BRD10: variants seen among roughly 807,000 people sequenced by gnomAD.
BRD10 encodes the protein uncharacterized bromodomain-containing protein 10.
At chr9:5,900,689 T>C in the BRD10 span, among the ~76,000 whole-genome samples, 32 of 152,336 alleles carry the variant, frequency 2.1e-4, 1 homozygote, top group South Asian at 6.6e-3. Flanking sequence ...TTAGATCTCT[T>C]AAAATTTCTC....
At chr9:5,908,722 A>G in the BRD10 span, 2 of 1,606,916 alleles carry the variant, frequency 1.2e-6, no homozygotes, top group Middle Eastern at 1.7e-4. Flanking sequence ...CCAGCGAGAC[A>G]CCTGAGACAT....
chr9:5,912,744 G>A, the BRD10 span, among the ~76,000 whole-genome samples: 15 of 152,252 alleles, frequency 9.9e-5, no homozygotes, highest in African/African-American at 3.6e-4. Flanking sequence ...ACTGCAGCGT[G>A]CCCTTCCTTT....
At chr9:5,880,597 C>G in the BRD10 span, among the ~76,000 whole-genome samples, 1 of 152,138 alleles carries the variant, frequency 6.6e-6, no homozygotes, top group Non-Finnish European at 1.5e-5. Flanking sequence ...TTAGTTTTCC[C>G]CACACAGACA....
chr9:5,927,644 C>T, the BRD10 span, among the ~76,000 whole-genome samples: 4 of 152,208 alleles, frequency 2.6e-5, no homozygotes, highest in South Asian at 4.2e-4. Context: ...ATAATAAATT[C>T]TTATTTCTCA....
the BRD10 span, chr9:6,007,585 C>T: frequency 5.0e-6 from 8 of 1,608,672 alleles, no homozygotes; most frequent in Non-Finnish European, 6.8e-6. Context: ...CTTGCAGCAA[C>T]CGCCTCCGAT....
At chr9:5,923,078 C>G in the BRD10 span, 5 of 1,613,976 alleles carry the variant, frequency 3.1e-6, no homozygotes, top group Non-Finnish European at 4.2e-6. Context: ...TTCACTGAAA[C>G]AGTCAATCTG....
At chr9:5,979,991 G>A in the BRD10 span, among the ~76,000 whole-genome samples, 1 of 146,852 alleles carries the variant, frequency 6.8e-6, no homozygotes, top group Non-Finnish European at 1.5e-5. Context: ...CTACAGCCTG[G>A]GCAACAAAGC....
At chr9:5,943,824 C>A in the BRD10 span, among the ~76,000 whole-genome samples, 2 of 152,080 alleles carry the variant, frequency 1.3e-5, no homozygotes, top group Non-Finnish European at 2.9e-5. Context: ...CATTTATTCT[C>A]TTAAATTACC....
At chr9:5,940,704 A>C in the BRD10 span, among the ~76,000 whole-genome samples, 1 of 152,126 alleles carries the variant, frequency 6.6e-6, no homozygotes, top group South Asian at 2.1e-4. Flanking sequence ...GGTAGGGAGG[A>C]CAAATGGGGA....
At chr9:5,953,993 C>G in the BRD10 span, 1 of 1,452,320 alleles carries the variant, frequency 6.9e-7, no homozygotes, top group Non-Finnish European at 9.4e-7. Flanking sequence ...TGAAAAATTT[C>G]GAGACAAAGT....
chr9:5,966,664 T>C, the BRD10 span, among the ~76,000 whole-genome samples: 1 of 151,938 alleles, frequency 6.6e-6, no homozygotes, highest in Non-Finnish European at 1.5e-5. Flanking sequence ...TTCACCATAT[T>C]GGCCAGGCTG....
chr9:5,919,922 G>T, the BRD10 span: 1 of 1,613,826 alleles, frequency 6.2e-7, no homozygotes, highest in African/African-American at 1.3e-5. Flanking sequence ...AGGATTACTG[G>T]GGCAAATGGC....
the BRD10 span, among the ~76,000 whole-genome samples, chr9:5,926,130 C>T: frequency 6.6e-6 from 1 of 152,074 alleles, no homozygotes. Flanking sequence ...GTTGGCCAAG[C>T]TGGTCTCAAA....
At chr9:5,937,438 G>C in the BRD10 span, among the ~76,000 whole-genome samples, 8 of 151,636 alleles carry the variant, frequency 5.3e-5, no homozygotes, top group Non-Finnish European at 1.2e-4. Flanking sequence ...GGGAGGCTGA[G>C]GCAGGAGAAT....
At chr9:5,949,273 C>T in the BRD10 span, among the ~76,000 whole-genome samples, 1 of 152,034 alleles carries the variant, frequency 6.6e-6, no homozygotes, top group African/African-American at 2.4e-5. Flanking sequence ...CACAGAGAAT[C>T]GCTTGAACCA....
At chr9:5,976,440 T>C in the BRD10 span, among the ~76,000 whole-genome samples, 3 of 152,218 alleles carry the variant, frequency 2.0e-5, no homozygotes, top group Non-Finnish European at 4.4e-5. Context: ...AATAGGATAC[T>C]GTATCTTAGA....
At chr9:5,928,680 T>A in the BRD10 span, among the ~76,000 whole-genome samples, 1 of 152,166 alleles carries the variant, frequency 6.6e-6, no homozygotes, top group Non-Finnish European at 1.5e-5. Flanking sequence ...AGGTCTCTGT[T>A]CAAACACCAA....
At chr9:5,897,119 G>T in the BRD10 span, among the ~76,000 whole-genome samples, 1 of 152,224 alleles carries the variant, frequency 6.6e-6, no homozygotes, top group Non-Finnish European at 1.5e-5. Flanking sequence ...ATAAGCTAAT[G>T]AATGTTTAGC....
At chr9:5,891,124 C>CTA in the BRD10 span, 1 of 152,232 alleles carries the variant, frequency 6.6e-6, no homozygotes, top group Non-Finnish European at 1.5e-5. Context: ...AATCCTCTCT[C>CTA]AGTCCTCCAA....
Sources: gnomAD v4.1 joint callset for allele counts (sites outside exome capture counted in the v4.1 genomes callset) on GRCh38, gnomAD v4.1.1 for gene constraint, MANE v1.5 for transcripts, NCBI Gene and HGNC (gene_info 2026-07-23, HGNC 2026-07-21) for gene names.